GPC6: variants seen among roughly 807,000 people sequenced by gnomAD.
The protein encoded by GPC6 is glypican 6, also known as glypican-6.
Under a neutral mutation model 55.2 loss-of-function variants are expected in GPC6, and 14 were observed. That is an observed-to-expected ratio of 0.25 (90% CI 0.17 to 0.40). The LOEUF is 0.40. GPC6 is among the 10% of genes least tolerant of loss of function. GPC6 has a pLI of 1.00. For synonymous variants in GPC6, 278 were observed against 259.6 expected, an observed-to-expected ratio of 1.07 and a Z score of -0.68; for missense variants, 641 against 708.5, an observed-to-expected ratio of 0.90 and a Z score of 1.08.
In GPC6 at chr13:93,762,399, G is replaced by A. The variant is rs1477117931; in HGVS notation, c.320-67755G>A. The stretch of plus-strand genomic sequence containing the variant: ...ATGATCATTCTCTCAGGAATCCCTC[G>A]GTCAGAGTTGCAACTGATTATATGA... On this transcript the variant is annotated intron_variant, in intron 2 of 8. Transcript: ENST00000377047. 2.2e-4 allele frequency among the ~76,000 whole-genome samples: 34 copies of A among 152,188 alleles called. 1 individual carries two copies. The highest frequency in any genetic ancestry group is 1.8e-3 in the Admixed American group (27 of 15,274).
At chr13:93,401,155 C>CGTGTGTGTGTGTGTGT (rs5805802) in intron 1 of GPC6, among the ~76,000 whole-genome samples, 1 of 143,456 alleles carries the variant, frequency 7.0e-6, no homozygotes, top group African/African-American at 2.6e-5. Context: ...AGGTATTTGT[C>CGTGTGTGTGTGTGTGT]GTGTGTGTGT....
At chr13:93,791,338 A>C (rs1285622182) in intron 2 of GPC6, among the ~76,000 whole-genome samples, 2 of 152,114 alleles carry the variant, frequency 1.3e-5, no homozygotes, top group South Asian at 2.1e-4. Flanking sequence ...TTTTTTCTTT[A>C]CTTTTTAAAA....
intron 6 of GPC6, among the ~76,000 whole-genome samples, chr13:94,378,061 C>T (rs998633219): frequency 2.6e-5 from 4 of 151,872 alleles, no homozygotes; most frequent in Admixed American, 6.6e-5. Flanking sequence ...TGGGGGGAGA[C>T]GTGAGGGATA....
intron 2 of GPC6, among the ~76,000 whole-genome samples, chr13:93,773,018 G>GT (rs1420047194): frequency 3.3e-5 from 5 of 152,022 alleles, no homozygotes; most frequent in East Asian, 1.9e-4. Flanking sequence ...TTTCTCTGTA[G>GT]TTTTTTCCAA....
intron 6 of GPC6, among the ~76,000 whole-genome samples, chr13:94,353,507 C>T (rs148711692): frequency 1.4e-3 from 217 of 151,996 alleles, no homozygotes; most frequent in African/African-American, 4.7e-3. Context: ...GTTTGTTCAG[C>T]GTAAAGAGGC....
chr13:93,295,782 C>T lies in GPC6; in HGVS notation c.160+68166C>T, dbSNP rs185832216. On this transcript the variant is annotated intron_variant, in intron 1 of 8. Transcript: ENST00000377047. ...GAGTGCAGTGGGTGCCATGTCGGCT[C>T]ACTGCAACCTATGCCTCCTGGGTTC... 9.9e-5 allele frequency among the ~76,000 whole-genome samples: 15 copies of T among 152,272 alleles called. No individual in the cohort carries two copies. The East Asian group carries it at 2.3e-3, about 24-fold the overall frequency.
Position 94,210,916 on chromosome 13 carries a change from G to A in GPC6, c.878-75433G>A, listed in dbSNP as rs1433942869. 5.3e-5 allele frequency among the ~76,000 whole-genome samples: 8 copies of A among 152,146 alleles called. No homozygotes were observed. The South Asian group carries it at 1.4e-3, about 28-fold the overall frequency. ...TTTATTCATTGAGTCAGAAATTTCCGTGTGAGTACGGGAGTTTACACTTGT... is the reference window on the plus strand; with the variant it reads ...TTTATTCATTGAGTCAGAAATTTCCATGTGAGTACGGGAGTTTACACTTGT... On this transcript the variant is annotated intron_variant, in intron 4 of 8. Transcript: ENST00000377047.
intron 1 of GPC6, among the ~76,000 whole-genome samples, chr13:93,402,124 C>A (rs1876112968): frequency 6.6e-6 from 1 of 152,052 alleles, no homozygotes; most frequent in South Asian, 2.1e-4. Flanking sequence ...GCTTAAAATC[C>A]ATGATTTTTA....
intron 2 of GPC6, among the ~76,000 whole-genome samples, chr13:93,591,506 T>G (rs1298532047): frequency 6.6e-6 from 1 of 151,630 alleles, no homozygotes; most frequent in African/African-American, 2.4e-5. Flanking sequence ...TTGTTTCGTA[T>G]CAATATTGTA....
chr13:94,336,769 A>G lies in GPC6; in HGVS notation c.1152+30646A>G, dbSNP rs115540742. Among the ~76,000 whole-genome samples the G allele has an allele frequency of 3.0e-3, 455 of 152,316 alleles. 4 individuals are homozygous for G. Among genetic ancestry groups the G allele is most frequent in the African/African-American group, 0.011 (445 of 41,566 alleles). On this transcript the variant is annotated intron_variant, in intron 6 of 8. Transcript: ENST00000377047. ...GGGAAAGTAATCAAAATCCAAAATC[A>G]TTGAATTTATGTTTACAGAAGGAAA...
intron 3 of GPC6, among the ~76,000 whole-genome samples, chr13:93,951,789 A>G (rs1468522885): frequency 6.6e-6 from 1 of 152,164 alleles, no homozygotes; most frequent in African/African-American, 2.4e-5. Flanking sequence ...CAAAATCTTG[A>G]ATTTTTTTTA....
At chr13:93,233,936 A>T (rs4594115) in intron 1 of GPC6, among the ~76,000 whole-genome samples, 41,386 of 152,102 alleles carry the variant, frequency 0.27, 5,772 homozygotes, top group Admixed American at 0.36. Flanking sequence ...ACCTTTAGTT[A>T]AAAAGCCCAG....
At chr13:93,993,656 T>C (rs892836612) in intron 3 of GPC6, among the ~76,000 whole-genome samples, 1 of 152,178 alleles carries the variant, frequency 6.6e-6, no homozygotes, top group Non-Finnish European at 1.5e-5. Flanking sequence ...AATAAACATC[T>C]CATCTACTGA....
At position 93,332,970 on chromosome 13, in the gene GPC6, A is replaced by G. The variant is rs553363680; in HGVS notation, c.160+105354A>G. 3.3e-5 allele frequency among the ~76,000 whole-genome samples: 5 copies of G among 152,272 alleles called. 1 individual carries two copies. Among genetic ancestry groups the G allele is most frequent in the East Asian group, 1.9e-4 (1 of 5,188 alleles). ...TATTGAAAAGACTGTTGTTACCTCA[A>G]TGTATTTTCTTAATGCATTTGTTGA... On this transcript the variant is annotated intron_variant, in intron 1 of 8. Coordinates refer to ENST00000377047, the MANE Select transcript of GPC6 (RefSeq NM_005708.5).
At chr13:94,330,858 T>TG (rs1316808072) in intron 6 of GPC6, among the ~76,000 whole-genome samples, 1 of 152,030 alleles carries the variant, frequency 6.6e-6, no homozygotes, top group African/African-American at 2.4e-5. Context: ...CGAGATCTAG[T>TG]GGGTTTGTTG....
chr13:93,462,433 T>C (rs888759783), intron 1 of GPC6, among the ~76,000 whole-genome samples: 1 of 152,116 alleles, frequency 6.6e-6, no homozygotes, highest in African/African-American at 2.4e-5. Context: ...TGGGTATAGA[T>C]AAGACTTGAA....
intron 3 of GPC6, among the ~76,000 whole-genome samples, chr13:93,868,744 C>T (rs1889043962): frequency 6.6e-6 from 1 of 151,830 alleles, no homozygotes; most frequent in Non-Finnish European, 1.5e-5. Context: ...CGAGCAGACA[C>T]ACCAAACCAA....
chr13:93,520,218 T>G (rs1377149084), intron 1 of GPC6, among the ~76,000 whole-genome samples: 2 of 151,942 alleles, frequency 1.3e-5, no homozygotes, highest in Non-Finnish European at 1.5e-5. Context: ...AGCTGATATA[T>G]TACTGGTGAC....
chr13:93,907,589 AT>A (rs1358111408), intron 3 of GPC6, among the ~76,000 whole-genome samples: 6 of 152,264 alleles, frequency 3.9e-5, no homozygotes, highest in African/African-American at 1.4e-4. Context: ...TACTACTAAA[AT>A]TTTTAAACTC....
Sources: allele counts gnomAD v4.1 joint callset (sites outside exome capture counted in the v4.1 genomes callset), GRCh38; gene constraint gnomAD v4.1.1; transcripts MANE v1.5; gene names NCBI Gene and HGNC (gene_info 2026-07-23, HGNC 2026-07-21).